Variants in NRG1 observed in about 807,000 individuals in gnomAD.
NRG1 encodes the protein pro-neuregulin-1, membrane-bound isoform.
In NRG1, 18 loss-of-function variants were observed where a neutral mutation model predicts 63.8. That is an observed-to-expected ratio of 0.28 (90% confidence interval 0.19 to 0.42). The LOEUF (loss-of-function observed/expected upper bound fraction) is 0.42, where lower values mean the gene tolerates loss of function less well. Ranked by LOEUF, NRG1 falls within the 10% of genes least tolerant of loss-of-function variation. The pLI, the probability that NRG1 is intolerant of heterozygous loss-of-function variation, is 1.00. For synonymous variants in NRG1, 302 were observed against 301.3 expected, an observed-to-expected ratio of 1.00 and a Z score of -0.02; for missense variants, 762 against 814.7, an observed-to-expected ratio of 0.94 and a Z score of 0.79.
At chr8:32,150,625 T>A (rs746839673) in intron 1 of NRG1, among the ~76,000 whole-genome samples, 2 of 152,164 alleles carry the variant, frequency 1.3e-5, no homozygotes, top group Non-Finnish European at 2.9e-5. Context: ...CAGACTGTGA[T>A]AATTAAATTT....
chr8:32,738,215 G>A (rs1215920487), intron 6 of NRG1, among the ~76,000 whole-genome samples: 1 of 152,046 alleles, frequency 6.6e-6, no homozygotes, highest in Non-Finnish European at 1.5e-5. Context: ...AAAAGGCAAG[G>A]AGAGAATTCT....
At chr8:32,476,225 C>G (rs922493216) in intron 1 of NRG1, among the ~76,000 whole-genome samples, 2 of 152,144 alleles carry the variant, frequency 1.3e-5, no homozygotes, top group Non-Finnish European at 2.9e-5. Context: ...GGACCAATGA[C>G]AAGAATTAGA....
intron 1 of NRG1, among the ~76,000 whole-genome samples, chr8:32,244,016 C>T (rs924920354): frequency 1.3e-5 from 2 of 152,126 alleles, no homozygotes; most frequent in African/African-American, 4.8e-5. Context: ...GTTATAGCTG[C>T]CTGAGCTGAC....
intron 1 of NRG1, among the ~76,000 whole-genome samples, chr8:32,163,846 G>T (rs183910414): frequency 3.9e-5 from 6 of 152,098 alleles, no homozygotes; most frequent in Admixed American, 1.3e-4. Flanking sequence ...TTCATTTCAC[G>T]CTAGGAAGTC....
At chr8:31,942,962 G>A (rs1585945400) in intron 1 of NRG1, among the ~76,000 whole-genome samples, 1 of 151,428 alleles carries the variant, frequency 6.6e-6, no homozygotes, top group African/African-American at 2.4e-5. Flanking sequence ...GAATGGACTA[G>A]TACAACCATT....
chr8:32,700,004 A>G (rs1814424676), intron 5 of NRG1, among the ~76,000 whole-genome samples: 1 of 152,168 alleles, frequency 6.6e-6, no homozygotes, highest in South Asian at 2.1e-4. Context: ...ACAATGTTGT[A>G]CAACTCATTA....
intron 1 of NRG1, among the ~76,000 whole-genome samples, chr8:32,366,506 T>A (rs1563366373): frequency 6.6e-6 from 1 of 151,950 alleles, no homozygotes; most frequent in Non-Finnish European, 1.5e-5. Context: ...GTTCCATTCA[T>A]GTTGATGCAT....
intron 1 of NRG1, among the ~76,000 whole-genome samples, chr8:32,014,312 G>T (rs539506849): frequency 2.0e-5 from 3 of 152,202 alleles, no homozygotes; most frequent in African/African-American, 7.2e-5. Context: ...TCTCTTTGAA[G>T]CAATTATGAA....
intron 1 of NRG1, among the ~76,000 whole-genome samples, chr8:32,395,607 A>AT (rs1812339752): frequency 7.6e-6 from 1 of 132,054 alleles, no homozygotes; most frequent in Non-Finnish European, 1.6e-5. Context: ...TTGAGTTATA[A>AT]CTTTTTTTTT....
intron 1 of NRG1, among the ~76,000 whole-genome samples, chr8:32,362,928 G>A (rs545231505): frequency 5.3e-5 from 8 of 152,210 alleles, no homozygotes; most frequent in East Asian, 1.9e-4. Context: ...AAGGAATTAC[G>A]GGTCTCTGAT....
intron 1 of NRG1, among the ~76,000 whole-genome samples, chr8:31,950,599 A>G (rs971777927): frequency 6.6e-6 from 1 of 152,230 alleles, no homozygotes; most frequent in Non-Finnish European, 1.5e-5. Flanking sequence ...ACAGTCAACT[A>G]GTCGGCTTCT....
intron 1 of NRG1, among the ~76,000 whole-genome samples, chr8:32,034,088 G>T (rs2130529604): frequency 6.6e-6 from 1 of 152,224 alleles, no homozygotes; most frequent in East Asian, 1.9e-4. Flanking sequence ...CTGTAGGTTT[G>T]TTATAAATGG....
At chr8:32,416,011 T>C (rs13261609) in intron 1 of NRG1, among the ~76,000 whole-genome samples, 21,461 of 152,206 alleles carry the variant, frequency 0.14, 1,962 homozygotes, top group Admixed American at 0.26. Flanking sequence ...GCAGACACTT[T>C]CGTGAGTAAG....
At chr8:32,301,863 A>G (rs1301067577) in intron 1 of NRG1, among the ~76,000 whole-genome samples, 1 of 152,128 alleles carries the variant, frequency 6.6e-6, no homozygotes, top group African/African-American at 2.4e-5. Flanking sequence ...TTGGGTGGGG[A>G]CACAGCCAAA....
intron 1 of NRG1, among the ~76,000 whole-genome samples, chr8:32,048,442 CATACATATATATATATAT>C (rs201508725): frequency 0.058 from 7,822 of 134,766 alleles, 347 homozygotes; most frequent in Middle Eastern, 0.07. Flanking sequence ...CACATATATA[CATACATATATATATATAT>C]ATATATATAT....
At chr8:32,425,567 G>T (rs1304888405) in intron 1 of NRG1, among the ~76,000 whole-genome samples, 1 of 152,066 alleles carries the variant, frequency 6.6e-6, no homozygotes, top group Non-Finnish European at 1.5e-5. Context: ...TTATATCTGT[G>T]GCTGCTTTCA....
At chr8:31,765,090 A>G (rs76619284) in intron 1 of NRG1, among the ~76,000 whole-genome samples, 24,002 of 151,880 alleles carry the variant, frequency 0.16, 2,185 homozygotes, top group East Asian at 0.2. Flanking sequence ...TTATTTTTTG[A>G]GTGATTATAA....
intron 1 of NRG1, among the ~76,000 whole-genome samples, chr8:31,678,036 A>AG (rs971938262): frequency 2.0e-5 from 3 of 151,720 alleles, no homozygotes; most frequent in Admixed American, 1.3e-4. Flanking sequence ...ATAAATTAAA[A>AG]AAAAAAAACT....
At chr8:31,998,020 C>T (rs926128927) in intron 1 of NRG1, among the ~76,000 whole-genome samples, 4 of 151,922 alleles carry the variant, frequency 2.6e-5, no homozygotes, top group Non-Finnish European at 5.9e-5. Context: ...ATAATCAAAG[C>T]CCGTAAAGAT....
Sources: gnomAD v4.1 joint callset for allele counts (sites outside exome capture counted in the v4.1 genomes callset) on GRCh38, gnomAD v4.1.1 for gene constraint, MANE v1.5 for transcripts, NCBI Gene and HGNC (gene_info 2026-07-23, HGNC 2026-07-21) for gene names.